DAPK1: variants seen among roughly 807,000 people sequenced by gnomAD.
DAPK1 encodes the protein death associated protein kinase 1, also known as death-associated protein kinase 1.
DAPK1 carries 56 observed loss-of-function variants against 144.9 expected under a neutral mutation model. The ratio of observed to expected loss-of-function variants is 0.39; its 90% CI spans 0.31 to 0.48. DAPK1 has a LOEUF of 0.48. Ranked by LOEUF, DAPK1 falls within the 20% of genes least tolerant of loss-of-function variation. DAPK1 has a pLI of 0.95. For synonymous variants in DAPK1, 690 were observed against 749.0 expected, an observed-to-expected ratio of 0.92 and a Z score of 1.29; for missense variants, 1,454 against 1,875.4, an observed-to-expected ratio of 0.78 and a Z score of 4.15.
intron 2 of DAPK1, among the ~76,000 whole-genome samples, chr9:87,600,067 A>G (rs538044459): frequency 2.6e-5 from 4 of 152,186 alleles, no homozygotes; most frequent in Non-Finnish European, 4.4e-5. Flanking sequence ...CTTGGGGGTC[A>G]TTGTATACAG....
intron 2 of DAPK1, among the ~76,000 whole-genome samples, chr9:87,539,407 A>G (rs1825962859): frequency 6.7e-6 from 1 of 148,656 alleles, no homozygotes; most frequent in African/African-American, 2.5e-5. Context: ...GAAATACACA[A>G]TTTATAAGTT....
At chr9:87,640,602 A>C in intron 8 of DAPK1, 152 bp downstream of exon 8, 1 of 1,028,562 alleles carries the variant, frequency 9.7e-7, no homozygotes, top group East Asian at 2.5e-5. Flanking sequence ...AGAAAATGCA[A>C]GCAGGGCCCT....
At chr9:87,606,361 A>G (rs1207447981) in intron 3 of DAPK1, among the ~76,000 whole-genome samples, 1 of 152,194 alleles carries the variant, frequency 6.6e-6, no homozygotes, top group Non-Finnish European at 1.5e-5. Context: ...ATAATATCTC[A>G]GATGGTTTAT....
intron 2 of DAPK1, among the ~76,000 whole-genome samples, chr9:87,592,194 G>T (rs1828161377): frequency 6.6e-6 from 1 of 152,178 alleles, no homozygotes; most frequent in African/African-American, 2.4e-5. Flanking sequence ...TGCTGGGAGG[G>T]GTACAGAGCT....
chr9:87,640,424 A>T lies in DAPK1; in HGVS notation c.756A>T (p.Ile252=). The part of the protein sequence containing the change: ...SNTSALAKDF[I]RRLLVKDPKK... ...CCAGTGCCCTAGCCAAAGATTTCATAAGAAGACTTCTGGTCAAGGATCCAA... is the reference window on the plus strand; with the variant it reads ...CCAGTGCCCTAGCCAAAGATTTCATTAGAAGACTTCTGGTCAAGGATCCAA... Residue 252 remains isoleucine (I), a synonymous_variant, in exon 8 of 26, where the codon ATA becomes ATT. Transcript: ENST00000408954. 6.2e-7 allele frequency: 1 copy of T among 1,614,148 alleles called. No homozygotes were observed. Among genetic ancestry groups the T allele is most frequent in the Non-Finnish European group, 8.5e-7 (1 of 1,180,006 alleles).
At chr9:87,619,612 C>G (rs1056102819) in intron 3 of DAPK1, among the ~76,000 whole-genome samples, 5 of 152,198 alleles carry the variant, frequency 3.3e-5, no homozygotes, top group African/African-American at 1.2e-4. Flanking sequence ...GGCAGTTTGT[C>G]AGCAGGGCTG....
intron 2 of DAPK1, among the ~76,000 whole-genome samples, chr9:87,510,595 A>C (rs4878083): frequency 0.22 from 33,312 of 152,120 alleles, 4,046 homozygotes; most frequent in East Asian, 0.43. Context: ...GCGTGGGATT[A>C]TTGGCTTCCC....
intron 2 of DAPK1, among the ~76,000 whole-genome samples, chr9:87,551,650 A>C (rs1178758012): frequency 1.3e-5 from 2 of 152,170 alleles, no homozygotes; most frequent in African/African-American, 2.4e-5. Context: ...CCAGGGACCC[A>C]TTATGGGCCC....
At chr9:87,676,135 C>A (rs2119311873) in intron 19 of DAPK1, among the ~76,000 whole-genome samples, 1 of 152,314 alleles carries the variant, frequency 6.6e-6, no homozygotes, top group African/African-American at 2.4e-5. Context: ...CCTCTCCTCT[C>A]CCCTAGAGGT....
intron 3 of DAPK1, chr9:87,633,131 G>C: frequency 2.0e-6 from 2 of 983,282 alleles, no homozygotes; most frequent in Non-Finnish European, 2.4e-6. Context: ...AGAAAGATGA[G>C]TGTACATGTA....
intron 2 of DAPK1, among the ~76,000 whole-genome samples, chr9:87,519,389 C>T (rs531429926): frequency 1.3e-5 from 2 of 152,344 alleles, no homozygotes; most frequent in East Asian, 3.9e-4. Context: ...CCCTTCGCTG[C>T]AACCCAATGG....
intron 2 of DAPK1, among the ~76,000 whole-genome samples, chr9:87,585,394 T>C (rs1022557342): frequency 1.3e-5 from 2 of 152,220 alleles, no homozygotes; most frequent in Admixed American, 6.5e-5. Flanking sequence ...CACAAATGCT[T>C]ATTGTAGCAT....
chr9:87,700,783 G>T (rs988873387), intron 24 of DAPK1, among the ~76,000 whole-genome samples: 2 of 152,126 alleles, frequency 1.3e-5, no homozygotes, highest in African/African-American at 2.4e-5. Context: ...TTACAGGTGT[G>T]AGCCACCATG....
chr9:87,622,821 G>A (rs1340684137), intron 3 of DAPK1, among the ~76,000 whole-genome samples: 3 of 152,080 alleles, frequency 2.0e-5, no homozygotes. Flanking sequence ...TGAGGCAAGA[G>A]AATTGCTAGA....
At chr9:87,609,549 A>G (rs1451343356) in intron 3 of DAPK1, among the ~76,000 whole-genome samples, 3 of 152,214 alleles carry the variant, frequency 2.0e-5, no homozygotes, top group Non-Finnish European at 2.9e-5. Context: ...TTAATAGACT[A>G]TTGAAAATAT....
chr9:87,688,112 C>T (rs1824930951), intron 21 of DAPK1, among the ~76,000 whole-genome samples: 1 of 111,342 alleles, frequency 9.0e-6, no homozygotes, highest in Non-Finnish European at 1.7e-5. Context: ...CTCTAGTAGT[C>T]CCCAGTTACT....
intron 2 of DAPK1, among the ~76,000 whole-genome samples, chr9:87,596,165 C>G (rs1828308200): frequency 6.6e-6 from 1 of 152,114 alleles, no homozygotes; most frequent in Non-Finnish European, 1.5e-5. Context: ...GTGCTGAAAT[C>G]CGTGAACATG....
At chr9:87,592,346 T>G (rs1828168790) in intron 2 of DAPK1, among the ~76,000 whole-genome samples, 1 of 152,194 alleles carries the variant, frequency 6.6e-6, no homozygotes, top group Non-Finnish European at 1.5e-5. Context: ...CCCCCTTCCC[T>G]GCCAGGGGAT....
At chr9:87,696,168 G>GACACAC (rs3031550) in intron 21 of DAPK1, among the ~76,000 whole-genome samples, 3 of 150,794 alleles carry the variant, frequency 2.0e-5, no homozygotes, top group Non-Finnish European at 4.4e-5. Context: ...TATGTATACA[G>GACACAC]ACACACACAC....
Sources: gnomAD v4.1 joint callset for allele counts (sites outside exome capture counted in the v4.1 genomes callset) on GRCh38, gnomAD v4.1.1 for gene constraint, MANE v1.5 for transcripts, NCBI Gene and HGNC (gene_info 2026-07-23, HGNC 2026-07-21) for gene names.